Variants in NUP214 observed in about 807,000 individuals in gnomAD.
NUP214 encodes the protein nucleoporin 214.
Under a neutral mutation model 196.2 loss-of-function variants are expected in NUP214, and 79 were observed. The observed-to-expected ratio is 0.40, with a 90% CI of 0.34 to 0.49. The LOEUF (loss-of-function observed/expected upper bound fraction) is 0.49. Ranked by LOEUF, NUP214 falls within the 20% of genes least tolerant of loss-of-function variation. NUP214 has a pLI of 0.58. For missense variants in NUP214, 2,468 were observed against 2,539.0 expected (o/e 0.97, Z 0.60); for synonymous variants, 1,020 against 990.5 (o/e 1.03, Z -0.56).
intron 27 of NUP214, among the ~76,000 whole-genome samples, chr9:131,193,649 T>TTTTTTTTTTTTTTTTTTTTTG (rs1833686305): frequency 8.9e-6 from 1 of 112,230 alleles, no homozygotes; most frequent in Non-Finnish European, 1.9e-5. Context: ...TTTTTTTTTT[T>TTTTTTTTTTTTTTTTTTTTTG]TTTTTTTTTT....
Position 131,175,581 on chromosome 9 carries a change from C to T in NUP214, c.3279C>T (p.Ala1093=), listed in dbSNP as rs771263989. 104 of 1,614,040 alleles carry T rather than the reference C, an allele frequency of 6.4e-5. No homozygotes were observed. Among genetic ancestry groups the T allele is most frequent in the Middle Eastern group, 1.6e-4 (1 of 6,084 alleles). The change falls in exon 23 of 36, where the codon GCC becomes GCT. Residue 1093 remains alanine (A), a synonymous_variant. Coordinates refer to ENST00000359428, the MANE Select transcript of NUP214 (RefSeq NM_005085.4). ...SHPISAPQAA[A]AAALRRQMAS... ...CCATCTCAGCCCCGCAGGCAGCTGC[C>T]GCAGCAGCACTCAGGCGGCAGATGG... is the stretch of plus-strand genomic sequence containing the variant.
chr9:131,192,452 T>A, intron 27 of NUP214, 160 bp downstream of exon 27: 1 of 458,498 alleles, frequency 2.2e-6, no homozygotes, highest in Non-Finnish European at 3.8e-6. Context: ...TTTAATGTTC[T>A]CATGTAAATC....
At chr9:131,129,533 A>T in intron 4 of NUP214, 56 bp downstream of exon 4, 1 of 1,525,730 alleles carries the variant, frequency 6.6e-7, no homozygotes, top group Non-Finnish European at 9.0e-7. Flanking sequence ...CTACTTAAGA[A>T]TTGATTTCTA....
At chr9:131,205,741 C>G (rs910275578) in intron 30 of NUP214, among the ~76,000 whole-genome samples, 1 of 152,172 alleles carries the variant, frequency 6.6e-6, no homozygotes, top group African/African-American at 2.4e-5. Context: ...GTTGCCCAGG[C>G]TGGAGTGTGG....
chr9:131,177,724 T>A (rs1833155921), intron 23 of NUP214, among the ~76,000 whole-genome samples: 1 of 152,178 alleles, frequency 6.6e-6, no homozygotes, highest in African/African-American at 2.4e-5. Flanking sequence ...AATTTACAAT[T>A]ATAAGACGAA....
intron 31 of NUP214, among the ~76,000 whole-genome samples, chr9:131,217,153 G>C (rs1439510894): frequency 6.6e-6 from 1 of 152,098 alleles, no homozygotes; most frequent in East Asian, 1.9e-4. Context: ...TTTTAGTTCA[G>C]CCTGGGCAAC....
chr9:131,128,551 A>G, intron 3 of NUP214, 68 bp downstream of exon 3: 4 of 1,386,224 alleles, frequency 2.9e-6, no homozygotes, highest in Non-Finnish European at 3.9e-6. Flanking sequence ...TTGAATTACA[A>G]CTTGGAAGCT....
intron 14 of NUP214, among the ~76,000 whole-genome samples, chr9:131,149,509 T>C (rs1308835603): frequency 6.7e-6 from 1 of 150,082 alleles, no homozygotes; most frequent in Non-Finnish European, 1.5e-5. Context: ...GCGGGAGGTC[T>C]TGTCAGCTCC....
chr9:131,130,618 A>C (rs1831519127), intron 4 of NUP214, 148 bp from the exon 5 acceptor site: 1 of 666,718 alleles, frequency 1.5e-6, no homozygotes, highest in African/African-American at 1.8e-5. Flanking sequence ...AAATGATTTT[A>C]CTTTTTTCCA....
At chr9:131,176,800 A>G (rs530480919) in intron 23 of NUP214, among the ~76,000 whole-genome samples, 4 of 152,300 alleles carry the variant, frequency 2.6e-5, no homozygotes, top group Admixed American at 6.5e-5. Flanking sequence ...GTTGGTCTCA[A>G]GGACTTCAGT....
At chr9:131,136,261 A>G (rs1414363934) in intron 9 of NUP214, among the ~76,000 whole-genome samples, 1 of 152,246 alleles carries the variant, frequency 6.6e-6, no homozygotes, top group Non-Finnish European at 1.5e-5. Flanking sequence ...GCTGGTCACA[A>G]ACTCCTGATG....
chr9:131,221,290 T>A (rs148655415), intron 31 of NUP214, among the ~76,000 whole-genome samples: 3 of 152,330 alleles, frequency 2.0e-5, no homozygotes, highest in Non-Finnish European at 4.4e-5. Context: ...ATACCTGACA[T>A]GTGGGTCCTT....
chr9:131,209,185 C>A (rs901302631), intron 30 of NUP214, among the ~76,000 whole-genome samples: 1 of 151,792 alleles, frequency 6.6e-6, no homozygotes, highest in Admixed American at 6.6e-5. Flanking sequence ...CTAGCCTGGG[C>A]AACATGGCAA....
chr9:131,130,749 A>T lies in NUP214; in HGVS notation c.593-17A>T. The T allele has an allele frequency of 6.2e-7, 1 of 1,613,070 alleles. No individual in the cohort carries two copies. Among genetic ancestry groups the T allele is most frequent in the South Asian group, 1.1e-5 (1 of 91,036 alleles). ...TCCATTTTCTTGTTTTCATTTGGTA[A>T]TACTGTCTTTGCTCAGTGTGCTGGA... On this transcript the variant is annotated splice_polypyrimidine_tract_variant and intron_variant, in intron 4 of 35. Coordinates refer to ENST00000359428, the MANE Select transcript of NUP214 (RefSeq NM_005085.4).
chr9:131,186,885 G>A (rs1425100202), intron 24 of NUP214, among the ~76,000 whole-genome samples: 1 of 152,134 alleles, frequency 6.6e-6, no homozygotes, highest in Non-Finnish European at 1.5e-5. Context: ...GCAGCGAATT[G>A]GATGCATAGG....
intron 30 of NUP214, among the ~76,000 whole-genome samples, chr9:131,206,141 C>CTTTT (rs1588166866): frequency 4.2e-5 from 1 of 23,872 alleles, no homozygotes; most frequent in African/African-American, 1.4e-4. Flanking sequence ...GAATTTTTTT[C>CTTTT]TTTTTTCTTT....
intron 21 of NUP214, among the ~76,000 whole-genome samples, chr9:131,165,537 G>C (rs1184843689): frequency 6.6e-6 from 1 of 152,188 alleles, no homozygotes; most frequent in Admixed American, 6.5e-5. Context: ...ATGTGAAATG[G>C]TAAAGCCACT....
Position 131,125,720 on chromosome 9 carries a change from G to A in NUP214, c.16G>A (p.Asp6Asn). Residue 6 changes from aspartate to asparagine, a missense_variant, in exon 1 of 36, where the codon GAT becomes AAT. Physicochemically the swap from Asp to Asn is conservative, Grantham distance 23. Coordinates refer to ENST00000359428, the MANE Select transcript of NUP214 (RefSeq NM_005085.4). The surrounding 1 kb of genome is among the most constrained non-coding windows in gnomAD (Gnocchi z 4.1). ...GGGCGGCGCGATGGGAGACGAGATG[G>A]ATGCCATGATTCCCGAGCGGGAGAT... MGDEMDAMIPEREMKD... is the reference protein window; with the variant it reads MGDEMNAMIPEREMKD... 6.4e-7 allele frequency: 1 copy of A among 1,552,620 alleles called. No homozygotes were observed. Among genetic ancestry groups the A allele is most frequent in the Non-Finnish European group, 8.7e-7 (1 of 1,147,606 alleles).
At chr9:131,140,525 T>A (rs1318048542) in intron 10 of NUP214, 24 bp from the exon 11 acceptor site, 5 of 1,590,300 alleles carry the variant, frequency 3.1e-6, no homozygotes, top group Admixed American at 1.9e-5. Context: ...TTGGTTTTTT[T>A]ATTTTTGTTT....
Sources: gnomAD v4.1 joint callset for allele counts (sites outside exome capture counted in the v4.1 genomes callset) on GRCh38, gnomAD v4.1.1 for gene constraint, Gnocchi (gnomAD v3.1) non-coding constraint, MANE v1.5 for transcripts, NCBI Gene and HGNC (gene_info 2026-07-23, HGNC 2026-07-21) for gene names.